CADM2: variants seen among roughly 807,000 people sequenced by gnomAD.
CADM2 encodes the protein immunoglobulin superfamily member 4D.
In CADM2, 12 loss-of-function variants were observed where a neutral mutation model predicts 49.8. The observed-to-expected ratio is 0.24, with a 90% CI of 0.15 to 0.39. The LOEUF (loss-of-function observed/expected upper bound fraction) is 0.39. Among genes scored for constraint, CADM2 ranks in the 10% least tolerant of loss-of-function variants. The pLI is 1.00. For synonymous variants in CADM2, 214 were observed against 175.4 expected (o/e 1.22, Z -1.74); for missense variants, 378 against 492.3 (o/e 0.77, Z 2.20).
intron 1 of CADM2, among the ~76,000 whole-genome samples, chr3:85,568,473 C>CTCTTTCTTTCTTTCTTTCTTTCTT (rs34480650): frequency 0.024 from 665 of 27,500 alleles, 93 homozygotes; most frequent in Non-Finnish European, 0.044. Context: ...CTCTTTCTCT[C>CTCTTTCTTTCTTTCTTTCTTTCTT]TCTTTCTTTC....
intron 1 of CADM2, among the ~76,000 whole-genome samples, chr3:85,397,804 A>G (rs62250660): frequency 0.044 from 6,679 of 152,232 alleles, 205 homozygotes; most frequent in Middle Eastern, 0.068. Context: ...CTGAAAATGG[A>G]TAGTGGTGAT....
At chr3:85,316,788 AATATG>A (rs1305585692) in intron 1 of CADM2, among the ~76,000 whole-genome samples, 1 of 152,166 alleles carries the variant, frequency 6.6e-6, no homozygotes, top group Non-Finnish European at 1.5e-5. Context: ...TTTATGTAGA[AATATG>A]AGATAAAATA....
At chr3:85,810,076 A>T (rs60910084) in intron 3 of CADM2, among the ~76,000 whole-genome samples, 8,241 of 152,144 alleles carry the variant, frequency 0.054, 639 homozygotes, top group African/African-American at 0.17. Context: ...ACACCCAGAA[A>T]GTAGCGACAG....
chr3:85,086,261 T>A (rs1239426887), intron 1 of CADM2, among the ~76,000 whole-genome samples: 1 of 152,022 alleles, frequency 6.6e-6, no homozygotes, highest in Non-Finnish European at 1.5e-5. Flanking sequence ...ATGTATATTA[T>A]TTTTTCCAGT....
At chr3:85,713,757 C>A (rs557387316) in intron 1 of CADM2, among the ~76,000 whole-genome samples, 1 of 152,228 alleles carries the variant, frequency 6.6e-6, no homozygotes, top group Non-Finnish European at 1.5e-5. Flanking sequence ...ACATTTTCAT[C>A]ATTTGGTTTA....
chr3:85,223,164 A>G (rs1388794881), intron 1 of CADM2, among the ~76,000 whole-genome samples: 2 of 152,278 alleles, frequency 1.3e-5, no homozygotes, highest in East Asian at 3.9e-4. Flanking sequence ...CTGGTAAGTC[A>G]GAGATCATAA....
At chr3:85,308,310 T>TAC (rs10662960) in intron 1 of CADM2, among the ~76,000 whole-genome samples, 7,124 of 143,546 alleles carry the variant, frequency 0.05, 226 homozygotes, top group Admixed American at 0.092. Flanking sequence ...TCTACCTCTC[T>TAC]ACACACACAC....
At chr3:85,771,778 G>A (rs559937341) in intron 2 of CADM2, among the ~76,000 whole-genome samples, 2 of 152,102 alleles carry the variant, frequency 1.3e-5, no homozygotes, top group South Asian at 4.1e-4. Flanking sequence ...AATGAAATAT[G>A]TTTTTCTTCA....
At chr3:85,356,328 G>A (rs184911675) in intron 1 of CADM2, among the ~76,000 whole-genome samples, 178 of 152,142 alleles carry the variant, frequency 1.2e-3, no homozygotes, top group African/African-American at 4.1e-3. Context: ...AAAAATACTA[G>A]GGAGTTGCAG....
At chr3:85,622,485 T>C (rs1244026349) in intron 1 of CADM2, among the ~76,000 whole-genome samples, 1 of 152,170 alleles carries the variant, frequency 6.6e-6, no homozygotes, top group African/African-American at 2.4e-5. Context: ...TCATTTAGAT[T>C]TGCTTGTATC....
intron 8 of CADM2, among the ~76,000 whole-genome samples, chr3:86,010,380 C>A (rs1731347284): frequency 6.6e-6 from 1 of 151,538 alleles, no homozygotes; most frequent in South Asian, 2.1e-4. Flanking sequence ...AAATAACAAT[C>A]AGTAAAAGAA....
chr3:85,694,622 A>G (rs1416584512), intron 1 of CADM2, among the ~76,000 whole-genome samples: 4 of 152,228 alleles, frequency 2.6e-5, no homozygotes, highest in Non-Finnish European at 4.4e-5. Flanking sequence ...CAATTTATAA[A>G]TATTTATTCA....
At chr3:85,251,905 G>A (rs2042783075) in intron 1 of CADM2, among the ~76,000 whole-genome samples, 1 of 151,912 alleles carries the variant, frequency 6.6e-6, no homozygotes. Flanking sequence ...AGAGTTGGAA[G>A]GATTATCTGG....
intron 3 of CADM2, among the ~76,000 whole-genome samples, chr3:85,822,110 T>C (rs1161332216): frequency 6.6e-6 from 1 of 152,202 alleles, no homozygotes; most frequent in African/African-American, 2.4e-5. Context: ...TATTAATTTA[T>C]ATAATCCCTT....
chr3:86,042,628 A>G (rs1288223291), intron 8 of CADM2, among the ~76,000 whole-genome samples: 1 of 152,180 alleles, frequency 6.6e-6, no homozygotes, highest in Non-Finnish European at 1.5e-5. Flanking sequence ...AGATGGATTC[A>G]CAGCTGAATT....
At chr3:85,354,143 C>G (rs557061709) in intron 1 of CADM2, among the ~76,000 whole-genome samples, 2 of 151,566 alleles carry the variant, frequency 1.3e-5, no homozygotes, top group African/African-American at 4.8e-5. Context: ...ATAGTTTTTA[C>G]CTTTAAAATG....
chr3:85,770,386 C>A (rs577366532), intron 2 of CADM2, among the ~76,000 whole-genome samples: 1 of 152,076 alleles, frequency 6.6e-6, no homozygotes, highest in African/African-American at 2.4e-5. Context: ...TGGCTCACTG[C>A]AGCCTTGACA....
rs1016592212 is a variant in CADM2, at chr3:86,049,541, G to A, written c.971-16064G>A. On this transcript the variant is annotated intron_variant, in intron 8 of 9. Coordinates refer to ENST00000383699, the MANE Select transcript of CADM2 (RefSeq NM_001167675.2). ...CTCCCAAAGTGCTAGGATTACAGGC[G>A]TGAGCCACCGTGCCTGGCCAAGACT... Among the ~76,000 whole-genome samples the A allele has an allele frequency of 2.6e-5, 4 of 152,074 alleles. No individual in the cohort carries two copies. In the South Asian group the frequency reaches 6.2e-4, roughly 24 times the overall value.
At chr3:85,564,251 CTA>C (rs371096458) in intron 1 of CADM2, among the ~76,000 whole-genome samples, 3 of 151,714 alleles carry the variant, frequency 2.0e-5, no homozygotes, top group South Asian at 2.1e-4. Flanking sequence ...GCTATTTAAA[CTA>C]TTTTAAGTGT....
Sources: gnomAD v4.1 joint callset for allele counts (sites outside exome capture counted in the v4.1 genomes callset) on GRCh38, gnomAD v4.1.1 for gene constraint, MANE v1.5 for transcripts, NCBI Gene and HGNC (gene_info 2026-07-23, HGNC 2026-07-21) for gene names.